The following SHANK2 variants were observed in gnomAD, a reference collection of about 807,000 sequenced individuals.
The protein encoded by SHANK2 is SH3 and multiple ankyrin repeat domains 2.
SHANK2 carries 43 observed loss-of-function variants against 133.7 expected under a neutral mutation model. The observed-to-expected ratio is 0.32, with a 90% CI of 0.25 to 0.41. The LOEUF (loss-of-function observed/expected upper bound fraction) is 0.41. Among genes scored for constraint, SHANK2 ranks in the 10% least tolerant of loss-of-function variants. The pLI, the probability that SHANK2 is intolerant of heterozygous loss-of-function variation, is 1.00. For synonymous variants in SHANK2, 1,017 were observed against 952.8 expected, an observed-to-expected ratio of 1.07 and a Z score of -1.24; for missense variants, 1,994 against 2,235.8, an observed-to-expected ratio of 0.89 and a Z score of 2.18.
At chr11:70,890,838 C>T (rs1949831539) in intron 11 of SHANK2, among the ~76,000 whole-genome samples, 1 of 150,972 alleles carries the variant, frequency 6.6e-6, no homozygotes, top group South Asian at 2.1e-4. Context: ...GTGGCAGGCG[C>T]CTGTAATCAC....
intron 17 of SHANK2, among the ~76,000 whole-genome samples, chr11:70,527,521 C>T (rs2059413970): frequency 6.6e-6 from 1 of 152,224 alleles, no homozygotes; most frequent in South Asian, 2.1e-4. Flanking sequence ...ATTTGCTCCT[C>T]ACTCAGAAGG....
chr11:70,530,744 A>C (rs1554973004), intron 17 of SHANK2, among the ~76,000 whole-genome samples: 1 of 152,088 alleles, frequency 6.6e-6, no homozygotes, highest in African/African-American at 2.4e-5. Context: ...GAGAGAATGA[A>C]GAGCTAGTGT....
chr11:70,473,579 A>T lies in SHANK2; in HGVS notation c.4980-140T>A. 2.8e-5 allele frequency: 19 copies of T among 672,994 alleles called. No homozygotes were observed. Among genetic ancestry groups the T allele is most frequent in the Non-Finnish European group, 3.9e-5 (15 of 386,300 alleles). 41.7% of individuals were successfully genotyped at this position (672,994 alleles called of 1,614,324 possible). ...TGGCAGATCCACTGGCAGTGAACGA[A>T]TGATTTGCCATGCCAGGGTGGGGGA... On this transcript the variant is annotated intron_variant, in intron 25 of 25. Transcript: ENST00000601538. The surrounding 1 kb of genome is among the most constrained non-coding windows in gnomAD (Gnocchi z 5.9).
chr11:70,885,614 G>A (rs937094257), intron 11 of SHANK2, among the ~76,000 whole-genome samples: 1 of 152,142 alleles, frequency 6.6e-6, no homozygotes, highest in Admixed American at 6.5e-5. Flanking sequence ...ACGTGGTAAC[G>A]AACATCAACA....
At chr11:70,879,886 G>T (rs1215943329) in intron 11 of SHANK2, among the ~76,000 whole-genome samples, 1 of 152,228 alleles carries the variant, frequency 6.6e-6, no homozygotes, top group Non-Finnish European at 1.5e-5. Context: ...GTCAGGGAAA[G>T]CGGAGTCCAC....
chr11:70,780,755 G>A (rs769935971), intron 14 of SHANK2, among the ~76,000 whole-genome samples: 1 of 151,938 alleles, frequency 6.6e-6, no homozygotes, highest in Non-Finnish European at 1.5e-5. Flanking sequence ...TGTACTTTTA[G>A]TAGAGACGGG....
chr11:71,211,356 T>C (rs1220503897), intron 2 of SHANK2, among the ~76,000 whole-genome samples: 2 of 133,436 alleles, frequency 1.5e-5, no homozygotes, highest in Non-Finnish European at 3.1e-5. Context: ...CCAGGCAACA[T>C]GGAGAAACCC....
At chr11:71,148,925 A>G (rs1555107310) in intron 2 of SHANK2, among the ~76,000 whole-genome samples, 1 of 152,178 alleles carries the variant, frequency 6.6e-6, no homozygotes, top group African/African-American at 2.4e-5. Flanking sequence ...TCAACTGGAA[A>G]GGCACATGCC....
At chr11:70,562,617 T>C (rs1221294787) in intron 17 of SHANK2, among the ~76,000 whole-genome samples, 3 of 152,250 alleles carry the variant, frequency 2.0e-5, no homozygotes, top group Non-Finnish European at 4.4e-5. Context: ...ATGTGGTATA[T>C]GCCTTTCCAC....
chr11:70,556,167 C>T (rs1554979512), intron 17 of SHANK2, among the ~76,000 whole-genome samples: 2 of 152,188 alleles, frequency 1.3e-5, no homozygotes, highest in Non-Finnish European at 2.9e-5. Flanking sequence ...TTTAAGTTTC[C>T]TCCATATATT....
At chr11:70,783,490 G>T (rs905146378) in intron 14 of SHANK2, among the ~76,000 whole-genome samples, 1 of 152,160 alleles carries the variant, frequency 6.6e-6, no homozygotes, top group African/African-American at 2.4e-5. Flanking sequence ...AGGGACAGCT[G>T]TTGGGAGAGA....
In SHANK2 at chr11:70,880,332, C is replaced by A. The variant is rs1196413284; in HGVS notation, c.1174+16169G>T. ...GGGCTGTGGTCAGCTGGGGAGGAGA[C>A]CGGGCTTCGGGGGCTGCTGGAAGAG... On this transcript the variant is annotated intron_variant, in intron 11 of 25. Coordinates refer to ENST00000601538, the MANE Select transcript of SHANK2 (RefSeq NM_012309.5). Among the ~76,000 whole-genome samples the A allele has an allele frequency of 5.9e-5, 9 of 152,246 alleles. No individual in the cohort carries two copies. The East Asian group carries it at 1.2e-3, about 20-fold the overall frequency.
intron 2 of SHANK2, among the ~76,000 whole-genome samples, chr11:71,163,199 A>G (rs1248147827): frequency 1.4e-5 from 2 of 146,704 alleles, no homozygotes; most frequent in African/African-American, 5.4e-5. Flanking sequence ...GTGTTTGTCT[A>G]CTTTTCTGTG....
chr11:70,692,469 A>G (rs2134450076), intron 15 of SHANK2, among the ~76,000 whole-genome samples: 1 of 152,374 alleles, frequency 6.6e-6, no homozygotes, highest in South Asian at 2.1e-4. Flanking sequence ...GAGCTACCCA[A>G]GGTTGCATAG....
chr11:71,075,477 C>T (rs1348721560), intron 8 of SHANK2, among the ~76,000 whole-genome samples: 3 of 152,172 alleles, frequency 2.0e-5, no homozygotes, highest in Non-Finnish European at 2.9e-5. Context: ...GGCTGTGGAT[C>T]AGGGAGAAAG....
intron 9 of SHANK2, among the ~76,000 whole-genome samples, chr11:71,062,547 G>A (rs1246868353): frequency 1.3e-5 from 2 of 152,200 alleles, no homozygotes; most frequent in African/African-American, 4.8e-5. Context: ...CCCTGGCCCA[G>A]TGGCCTAGAA....
rs1555039950 is a variant in SHANK2, at chr11:70,760,485, GATCTC to G, written c.1777+37953_1777+37957del. On this transcript the variant is annotated intron_variant, in intron 14 of 25. Coordinates refer to ENST00000601538, the MANE Select transcript of SHANK2 (RefSeq NM_012309.5). ...GGATTTGGAGGCCATCGTAATCTAA[GATCTC>G]ATCTCAAGATCCTTAACTACATTTG... Among the ~76,000 whole-genome samples, 6 of 152,302 alleles carry G rather than the reference GATCTC, an allele frequency of 3.9e-5. No individual in the cohort carries two copies. The South Asian group carries it at 8.3e-4, about 21-fold the overall frequency.
chr11:70,487,724 C>T lies in SHANK2; in HGVS notation c.2573-4G>A, dbSNP rs79937051. ...TGCCGCTCTTCCTCTGTTATTCCTA[C>T]AAGCAGAAAACAGGTTTAGCTTTAA... is the stretch of plus-strand genomic sequence containing the variant. On this transcript the variant is annotated splice_region_variant and splice_polypyrimidine_tract_variant and intron_variant, in intron 24 of 25. Coordinates refer to ENST00000601538, the MANE Select transcript of SHANK2 (RefSeq NM_012309.5). The surrounding 1 kb of genome is among the most constrained non-coding windows in gnomAD (Gnocchi z 5.8). The T allele has an allele frequency of 1.2e-3, 1,894 of 1,554,598 alleles. 21 individuals are homozygous for T. The African/African-American group carries it at 0.023, about 19-fold the overall frequency.
At chr11:70,761,918 G>A (rs983374576) in intron 14 of SHANK2, among the ~76,000 whole-genome samples, 2 of 151,802 alleles carry the variant, frequency 1.3e-5, no homozygotes, top group Non-Finnish European at 2.9e-5. Context: ...GCAAGTTCCC[G>A]GCTGCTGCTG....
Sources: allele counts gnomAD v4.1 joint callset (sites outside exome capture counted in the v4.1 genomes callset), GRCh38; gene constraint gnomAD v4.1.1; non-coding constraint Gnocchi (gnomAD v3.1); transcripts MANE v1.5; gene names NCBI Gene and HGNC (gene_info 2026-07-23, HGNC 2026-07-21).